GPC5: variants seen among roughly 807,000 people sequenced by gnomAD.
The protein encoded by GPC5 is glypican-5.
Under a neutral mutation model 53.9 loss-of-function variants are expected in GPC5, and 47 were observed. The observed-to-expected ratio is 0.87, with a 90% CI of 0.69 to 1.11. The LOEUF (loss-of-function observed/expected upper bound fraction) is 1.11, where lower values mean the gene tolerates loss of function less well. Ranked by LOEUF, GPC5 falls within the 50% of genes most tolerant of loss-of-function variation. The pLI, the probability that GPC5 is intolerant of heterozygous loss-of-function variation, is 0.00. For missense variants in GPC5, 748 were observed against 713.1 expected (o/e 1.05, Z -0.56); for synonymous variants, 286 against 263.3 (o/e 1.09, Z -0.84).
rs866693505 is a variant in GPC5 at position 91,650,075 on chromosome 13, C to T, written c.326-43112C>T. ...ACTGGAACATGGACAAGGGGACATACTCTGAACTGGACTGCAAATCTTATT... is the reference window on the plus strand; with the variant it reads ...ACTGGAACATGGACAAGGGGACATATTCTGAACTGGACTGCAAATCTTATT... On this transcript the variant is annotated intron_variant, in intron 2 of 7. Transcript: ENST00000377067. Among the ~76,000 whole-genome samples, 2 of 152,130 alleles carry T rather than the reference C, an allele frequency of 1.3e-5. 1 individual carries two copies. The highest frequency in any genetic ancestry group is 6.3e-3 in the Middle Eastern group (2 of 316).
At chr13:92,671,769 G>A (rs35091315) in intron 7 of GPC5, among the ~76,000 whole-genome samples, 33,635 of 152,120 alleles carry the variant, frequency 0.22, 4,385 homozygotes, top group South Asian at 0.36. Flanking sequence ...TTATTTTTCT[G>A]AGTTAGTTGG....
At chr13:91,619,395 C>T (rs1307745250) in intron 2 of GPC5, among the ~76,000 whole-genome samples, 1 of 152,096 alleles carries the variant, frequency 6.6e-6, no homozygotes, top group Non-Finnish European at 1.5e-5. Flanking sequence ...GAAGGCTCAA[C>T]ACAGCCACTG....
intron 7 of GPC5, among the ~76,000 whole-genome samples, chr13:92,584,767 C>T (rs1883483390): frequency 2.0e-5 from 3 of 152,058 alleles, no homozygotes; most frequent in Non-Finnish European, 4.4e-5. Flanking sequence ...GGCCTAGGGT[C>T]CCTGTGTGGC....
intron 7 of GPC5, among the ~76,000 whole-genome samples, chr13:92,519,644 T>C (rs1398137559): frequency 1.3e-5 from 2 of 152,062 alleles, no homozygotes; most frequent in Non-Finnish European, 1.5e-5. Flanking sequence ...TAGAGGGAAA[T>C]TTATAGCACT....
chr13:92,316,478 A>C (rs1274621848), intron 7 of GPC5, among the ~76,000 whole-genome samples: 1 of 152,090 alleles, frequency 6.6e-6, no homozygotes, highest in Non-Finnish European at 1.5e-5. Flanking sequence ...TTTTGCCATG[A>C]AATGATAGCT....
chr13:92,360,757 G>T (rs563503308), intron 7 of GPC5, among the ~76,000 whole-genome samples: 1 of 151,852 alleles, frequency 6.6e-6, no homozygotes, highest in African/African-American at 2.4e-5. Context: ...AGTTACTTCA[G>T]CTCATAAACA....
intron 7 of GPC5, among the ~76,000 whole-genome samples, chr13:92,612,740 A>G (rs1250121880): frequency 2.0e-5 from 3 of 152,112 alleles, no homozygotes; most frequent in South Asian, 2.1e-4. Flanking sequence ...TGAAAAAACA[A>G]TATTGCCTGT....
chr13:91,902,770 G>C (rs549672985), intron 5 of GPC5, among the ~76,000 whole-genome samples: 1 of 151,934 alleles, frequency 6.6e-6, no homozygotes, highest in South Asian at 2.1e-4. Flanking sequence ...ATGTTTTTTT[G>C]CATGCAAATT....
At chr13:91,783,141 C>T (rs1201633268) in intron 5 of GPC5, among the ~76,000 whole-genome samples, 2 of 152,074 alleles carry the variant, frequency 1.3e-5, no homozygotes, top group Admixed American at 6.5e-5. Flanking sequence ...GTAATCCCAG[C>T]TACTCAGAAG....
intron 5 of GPC5, among the ~76,000 whole-genome samples, chr13:91,875,532 A>G (rs944283168): frequency 6.6e-6 from 1 of 152,128 alleles, no homozygotes; most frequent in African/African-American, 2.4e-5. Flanking sequence ...ATGTGTTTAT[A>G]TTTCATTTCT....
At chr13:91,736,763 G>A (rs1396702247) in intron 4 of GPC5, among the ~76,000 whole-genome samples, 2 of 151,222 alleles carry the variant, frequency 1.3e-5, no homozygotes, top group African/African-American at 2.5e-5. Context: ...AACAAATTTA[G>A]TTGTAGATCT....
Position 91,398,856 on chromosome 13 carries a change from C to A in GPC5, c.-191C>A, listed in dbSNP as rs1876677796. 3.3e-6 allele frequency: 2 copies of A among 609,328 alleles called. No homozygotes were observed. The highest frequency in any genetic ancestry group is 5.5e-6 in the Non-Finnish European group (2 of 362,302). 37.7% of individuals were successfully genotyped at this position (609,328 alleles called of 1,614,324 possible). On this transcript the variant is annotated 5_prime_UTR_variant, in exon 1 of 8. Transcript: ENST00000377067. ...CAGCTGGAAAACTCTGGTGTCTCAG[C>A]TTAGGGCCTCCTCCGGGAAGAGCTA...
At chr13:91,950,440 A>G (rs2040016922) in intron 6 of GPC5, among the ~76,000 whole-genome samples, 1 of 151,614 alleles carries the variant, frequency 6.6e-6, no homozygotes, top group South Asian at 2.1e-4. Flanking sequence ...GCATCCCACA[A>G]ATCCACAGGG....
intron 7 of GPC5, among the ~76,000 whole-genome samples, chr13:92,347,271 A>G (rs1407240270): frequency 6.6e-6 from 1 of 152,300 alleles, no homozygotes; most frequent in South Asian, 2.1e-4. Flanking sequence ...AAAATCAAAG[A>G]CAAAAAATTC....
At chr13:91,525,348 T>C (rs1886036727) in intron 2 of GPC5, among the ~76,000 whole-genome samples, 1 of 152,222 alleles carries the variant, frequency 6.6e-6, no homozygotes, top group Non-Finnish European at 1.5e-5. Context: ...TTAAATGCTA[T>C]TTGGTACTGA....
intron 7 of GPC5, among the ~76,000 whole-genome samples, chr13:92,746,413 A>T (rs1422550891): frequency 6.6e-6 from 1 of 152,096 alleles, no homozygotes; most frequent in Admixed American, 6.6e-5. Context: ...AACCACCTAC[A>T]TCTGTTTCAT....
intron 5 of GPC5, among the ~76,000 whole-genome samples, chr13:91,892,923 A>G (rs2039403006): frequency 6.6e-6 from 1 of 151,960 alleles, no homozygotes; most frequent in South Asian, 2.1e-4. Flanking sequence ...AACAATTATA[A>G]CTAGCTACTT....
At chr13:92,461,919 G>A (rs1362358656) in intron 7 of GPC5, among the ~76,000 whole-genome samples, 1 of 152,188 alleles carries the variant, frequency 6.6e-6, no homozygotes, top group East Asian at 1.9e-4. Flanking sequence ...TCATATTTGG[G>A]CAAAGACCTG....
chr13:91,546,902 T>A (rs1394089916), intron 2 of GPC5, among the ~76,000 whole-genome samples: 1 of 152,082 alleles, frequency 6.6e-6, no homozygotes, highest in African/African-American at 2.4e-5. Context: ...TCAGACTGTT[T>A]TTCTAGTCGT....
Sources: gnomAD v4.1 joint callset for allele counts (sites outside exome capture counted in the v4.1 genomes callset) on GRCh38, gnomAD v4.1.1 for gene constraint, MANE v1.5 for transcripts, NCBI Gene and HGNC (gene_info 2026-07-23, HGNC 2026-07-21) for gene names.